The following KIAA1217 variants were observed in gnomAD, a reference collection of about 807,000 sequenced individuals.
The protein encoded by KIAA1217 is KIAA1217, also known as sickle tail protein homolog.
KIAA1217 carries 88 observed loss-of-function variants against 163.9 expected under a neutral mutation model. The observed-to-expected ratio is 0.54, with a 90% CI of 0.45 to 0.64. The LOEUF (loss-of-function observed/expected upper bound fraction) is 0.64. Among genes scored for constraint, KIAA1217 ranks in the 30% least tolerant of loss-of-function variants. The probability of loss-of-function intolerance (pLI) is 0.00; values close to 1 mark genes in which losing one functional copy is unlikely to be tolerated. For synonymous variants in KIAA1217, 903 were observed against 923.1 expected, an observed-to-expected ratio of 0.98 and a Z score of 0.39; for missense variants, 2,372 against 2,475.0, an observed-to-expected ratio of 0.96 and a Z score of 0.88.
chr10:23,832,926 G>A (rs184905877), intron 1 of KIAA1217, among the ~76,000 whole-genome samples: 59 of 152,036 alleles, frequency 3.9e-4, no homozygotes, highest in South Asian at 8.3e-4. Flanking sequence ...TTTGAAAAAC[G>A]TCCGATCTCA....
chr10:24,268,757 C>T (rs1189418902), intron 2 of KIAA1217, among the ~76,000 whole-genome samples: 2 of 121,612 alleles, frequency 1.6e-5, no homozygotes, highest in Non-Finnish European at 3.3e-5. Flanking sequence ...GACACATGCA[C>T]ACGTATGTTT....
intron 2 of KIAA1217, among the ~76,000 whole-genome samples, chr10:24,280,813 A>AG (rs976513609): frequency 1.3e-5 from 2 of 151,146 alleles, no homozygotes; most frequent in Non-Finnish European, 2.9e-5. Flanking sequence ...CCGTCTCAAA[A>AG]AAAAAAAAAA....
chr10:24,379,031 A>G (rs1413102693), intron 2 of KIAA1217, among the ~76,000 whole-genome samples: 1 of 152,218 alleles, frequency 6.6e-6, no homozygotes, highest in Admixed American at 6.5e-5. Context: ...GCCGTGAGCT[A>G]TAAAGATGAC....
intron 1 of KIAA1217, among the ~76,000 whole-genome samples, chr10:24,217,869 T>TAAATCTACCTC (rs1564844462): frequency 1.3e-5 from 2 of 152,204 alleles, no homozygotes; most frequent in African/African-American, 4.8e-5. Flanking sequence ...TTTAAAAGAT[T>TAAATCTACCTC]TAGAGGTAGA....
rs140845530 is a variant in KIAA1217, at chr10:23,790,704, C to CAT, written c.-321+95479_-321+95480dup. ...TAATATGTATGTATATATACACACA[C>CAT]ATATATATATGTATGTATGTATGTA... On this transcript the variant is annotated intron_variant, in intron 1 of 18. Transcript: ENST00000376462. 5.3e-4 allele frequency among the ~76,000 whole-genome samples: 66 copies of CAT among 125,374 alleles called. 2 individuals carry two copies. Among genetic ancestry groups the CAT allele is most frequent in the South Asian group, 1.8e-3 (8 of 4,404 alleles). The allele number at this position is 125,374 out of a possible 152,430, so 82.3% of individuals were successfully genotyped here.
intron 20 of KIAA1217, 172 bp from the exon 21 acceptor site, chr10:24,545,655 G>A: frequency 7.0e-7 from 1 of 1,423,468 alleles, no homozygotes; most frequent in African/African-American, 1.4e-5. Flanking sequence ...TGTACATGGG[G>A]GGTTTCTACC....
At chr10:23,745,255 C>A (rs773297158) in intron 1 of KIAA1217, among the ~76,000 whole-genome samples, 18 of 152,224 alleles carry the variant, frequency 1.2e-4, no homozygotes, top group East Asian at 3.9e-4. Flanking sequence ...ATAGTAGGTG[C>A]TTAATAAATA....
chr10:24,477,274 T>A (rs2064149349), intron 6 of KIAA1217, among the ~76,000 whole-genome samples: 1 of 152,248 alleles, frequency 6.6e-6, no homozygotes, highest in Non-Finnish European at 1.5e-5. Context: ...AAGTGGTTTC[T>A]ATACATTATA....
chr10:24,046,420 TGCTGTA>T (rs1308511454), intron 2 of KIAA1217, among the ~76,000 whole-genome samples: 20 of 152,206 alleles, frequency 1.3e-4, no homozygotes, highest in Admixed American at 2.6e-4. Flanking sequence ...ATTCTCACAC[TGCTGTA>T]AAGAACTACC....
chr10:24,021,473 C>T (rs1053799923), intron 2 of KIAA1217, among the ~76,000 whole-genome samples: 2 of 151,888 alleles, frequency 1.3e-5, no homozygotes, highest in African/African-American at 4.8e-5. Context: ...AAGAGAGATA[C>T]ATATTCATGG....
intron 1 of KIAA1217, among the ~76,000 whole-genome samples, chr10:23,726,515 A>C (rs191194031): frequency 6.6e-6 from 1 of 152,286 alleles, no homozygotes; most frequent in African/African-American, 2.4e-5. Context: ...AGTCTAAAAC[A>C]CCAAACACAA....
chr10:24,330,853 A>G (rs1445593758), intron 2 of KIAA1217, among the ~76,000 whole-genome samples: 22 of 152,132 alleles, frequency 1.4e-4, no homozygotes, highest in Admixed American at 1.4e-3. Context: ...GGCTCAAGCA[A>G]TCTGCCCACC....
intron 1 of KIAA1217, among the ~76,000 whole-genome samples, chr10:23,754,446 G>T (rs966125203): frequency 1.3e-5 from 2 of 152,126 alleles, no homozygotes; most frequent in Non-Finnish European, 2.9e-5. Context: ...TACAGGCTCT[G>T]CCCAGGAGCC....
In KIAA1217 at chr10:24,544,296, C is replaced by T. The variant is rs761051028; in HGVS notation, c.5026C>T (p.Leu1676Phe). ...LDSLEQTIKQ[L>F]ENTISEMSPK... ...TAGCCTGGAGCAGACCATTAAACAG[C>T]TCGAAAATACAATCAGTGAAATGAG... The change falls in exon 19 of 21, where the codon CTC becomes TTC. Residue 1676 changes from leucine to phenylalanine, a missense_variant. Coordinates refer to ENST00000376454, the MANE Select transcript of KIAA1217 (RefSeq NM_019590.5). The T allele has an allele frequency of 2.5e-6, 4 of 1,614,118 alleles. No homozygotes were observed. The South Asian group carries it at 3.3e-5, about 13-fold the overall frequency.
intron 8 of KIAA1217, among the ~76,000 whole-genome samples, chr10:24,500,572 A>G (rs937802342): frequency 1.8e-4 from 27 of 151,900 alleles, no homozygotes; most frequent in African/African-American, 6.5e-4. Context: ...CTTTCTTTTC[A>G]TTTTGGAAAT....
chr10:23,966,314 A>G (rs754557381), intron 1 of KIAA1217, among the ~76,000 whole-genome samples: 5 of 152,128 alleles, frequency 3.3e-5, no homozygotes, highest in Non-Finnish European at 5.9e-5. Context: ...TGGAATTGAG[A>G]TTAATCTAAA....
intron 2 of KIAA1217, among the ~76,000 whole-genome samples, chr10:24,137,438 A>T (rs1430055905): frequency 6.6e-6 from 1 of 152,232 alleles, no homozygotes; most frequent in Non-Finnish European, 1.5e-5. Flanking sequence ...GACACTTTGC[A>T]GGCATTTTCT....
intron 1 of KIAA1217, among the ~76,000 whole-genome samples, chr10:23,732,885 T>C (rs1181153691): frequency 1.3e-5 from 2 of 152,196 alleles, no homozygotes; most frequent in Non-Finnish European, 2.9e-5. Flanking sequence ...TTTTCTTATA[T>C]AATCTTCAAA....
intron 2 of KIAA1217, among the ~76,000 whole-genome samples, chr10:24,052,098 A>G (rs74548846): frequency 2.0e-3 from 306 of 151,968 alleles, no homozygotes; most frequent in African/African-American, 6.4e-3. Context: ...CTGCACTCCT[A>G]TTTTCTGTTG....
Sources: gnomAD v4.1 joint callset for allele counts (sites outside exome capture counted in the v4.1 genomes callset) on GRCh38, gnomAD v4.1.1 for gene constraint, MANE v1.5 for transcripts, NCBI Gene and HGNC (gene_info 2026-07-23, HGNC 2026-07-21) for gene names.